The following IGF1 variants were observed in gnomAD, a reference collection of about 807,000 sequenced individuals.
The protein encoded by IGF1 is insulin like growth factor 1.
IGF1 carries 4 observed loss-of-function variants against 13.8 expected under a neutral mutation model. The observed-to-expected ratio is 0.29, with a 90% CI of 0.14 to 0.66. The LOEUF is 0.66. Among genes scored for constraint, IGF1 ranks in the 30% least tolerant of loss-of-function variants. IGF1 has a pLI of 0.78. For synonymous variants in IGF1, 76 were observed against 72.6 expected (o/e 1.05, Z -0.23); for missense variants, 124 against 188.5 (o/e 0.66, Z 2.00).
chr12:102,406,403 CTT>C lies in IGF1; in HGVS notation c.403-3839_403-3838del, dbSNP rs372432862. 1.4e-3 allele frequency among the ~76,000 whole-genome samples: 207 copies of C among 152,328 alleles called. 1 individual carries two copies. The highest frequency in any genetic ancestry group is 4.8e-3 in the African/African-American group (198 of 41,572). ...TGTCTCACATTCAGTCAAGCAAAAA[CTT>C]TTCACTTCAGCAGCTTGTCCAATAC... On this transcript the variant is annotated intron_variant, in intron 3 of 3. Transcript: ENST00000337514.
chr12:102,402,241 TA>T lies in IGF1; in HGVS notation c.*265del, dbSNP rs1452983513. The T allele has an allele frequency of 3.1e-5, 8 of 255,062 alleles. No individual in the cohort carries two copies. The highest frequency in any genetic ancestry group is 4.9e-5 in the Admixed American group (1 of 20,302). 15.8% of individuals were successfully genotyped at this position (255,062 alleles called of 1,614,324 possible). Reference sequence around the variant, plus strand: ...GCAGGGACTAAGATATATATATATATATATTTTTTTTTTCTTTTCTATAGAA... The same window carrying T: ...GCAGGGACTAAGATATATATATATATTATTTTTTTTTTCTTTTCTATAGAA... On this transcript the variant is annotated 3_prime_UTR_variant, in exon 4 of 4. Coordinates refer to ENST00000337514, the MANE Select transcript of IGF1 (RefSeq NM_000618.5).
In IGF1 at chr12:102,397,603, T is replaced by C. The variant is rs886717144; in HGVS notation, c.*4904A>G. ...ATATTAAAATAGCAATAAGCAAATA[T>C]GTACTACAGGATTAAACACTAGCAT... On this transcript the variant is annotated 3_prime_UTR_variant, in exon 4 of 4. Coordinates refer to ENST00000337514, the MANE Select transcript of IGF1 (RefSeq NM_000618.5). 10 of 152,178 alleles carry C rather than the reference T, an allele frequency of 6.6e-5. No individual in the cohort carries two copies. Among genetic ancestry groups the C allele is most frequent in the Admixed American group, 2.6e-4 (4 of 15,274 alleles). The allele number at this position is 152,178 out of a possible 1,614,324, so 9.4% of individuals were successfully genotyped here. A position where few individuals can be genotyped will look rare whatever the true frequency, so the allele number is the denominator to read the frequency against.
chr12:102,453,149 C>T (rs920869523), intron 2 of IGF1, among the ~76,000 whole-genome samples: 2 of 152,202 alleles, frequency 1.3e-5, no homozygotes, highest in Non-Finnish European at 1.5e-5. Context: ...CCTTTAGAAG[C>T]ACTGCTGCCA....
At chr12:102,452,838 T>A (rs1879081631) in intron 2 of IGF1, among the ~76,000 whole-genome samples, 1 of 152,216 alleles carries the variant, frequency 6.6e-6, no homozygotes, top group Non-Finnish European at 1.5e-5. Flanking sequence ...TTGAGACATC[T>A]GAGCAGCAAA....
At chr12:102,478,522 T>A in intron 1 of IGF1, 1 of 1,611,420 alleles carries the variant, frequency 6.2e-7, no homozygotes, top group Non-Finnish European at 8.5e-7. Context: ...TCCAGGTCTT[T>A]TACAGCAGGT....
At chr12:102,441,961 T>TCTTCTTCTTCTTCTTCTTC (rs1592786145) in intron 2 of IGF1, among the ~76,000 whole-genome samples, 4 of 13,994 alleles carry the variant, frequency 2.9e-4, no homozygotes, top group Admixed American at 8.9e-4. Flanking sequence ...TCTTCTTTTT[T>TCTTCTTCTTCTTCTTCTTC]TTTTTTGAGA....
intron 2 of IGF1, among the ~76,000 whole-genome samples, chr12:102,429,990 A>G (rs545951565): frequency 2.0e-5 from 3 of 152,322 alleles, no homozygotes; most frequent in Non-Finnish European, 4.4e-5. Flanking sequence ...CTAATGTGAC[A>G]CACAGCTGGG....
intron 2 of IGF1, among the ~76,000 whole-genome samples, chr12:102,447,042 A>C (rs1020129168): frequency 2.6e-5 from 4 of 152,106 alleles, no homozygotes; most frequent in African/African-American, 2.4e-5. Flanking sequence ...GTTTTGAGTG[A>C]GTTTCTTGAT....
intron 2 of IGF1, among the ~76,000 whole-genome samples, chr12:102,426,043 A>G (rs1022346280): frequency 6.6e-6 from 1 of 152,254 alleles, no homozygotes; most frequent in African/African-American, 2.4e-5. Flanking sequence ...GGCCTGCTAT[A>G]TAAGTTAGCT....
intron 2 of IGF1, among the ~76,000 whole-genome samples, chr12:102,441,957 T>TCCTCTTCCTCTTCCTC (rs71438463): frequency 4.5e-5 from 6 of 134,672 alleles, no homozygotes; most frequent in Non-Finnish European, 8.0e-5. Context: ...TTCTTCTTCT[T>TCCTCTTCCTCTTCCTC]TTTTTTTTTT....
rs1592729900 is a variant in IGF1 at position 102,402,455 on chromosome 12, A to C, written c.*52T>G. ...AAAGTTTAACAGGTAACTCGTGCAG[A>C]GCAAAGGATCCTGCGGTGGCATGTC... On this transcript the variant is annotated 3_prime_UTR_variant, in exon 4 of 4. Transcript: ENST00000337514. 2 of 780,556 alleles carry C rather than the reference A, an allele frequency of 2.6e-6. No individual in the cohort carries two copies. Among genetic ancestry groups the C allele is most frequent in the East Asian group, 2.4e-5 (1 of 41,250 alleles). 48.4% of individuals were successfully genotyped at this position (780,556 alleles called of 1,614,324 possible).
At chr12:102,441,556 G>T (rs1411880687) in intron 2 of IGF1, among the ~76,000 whole-genome samples, 3 of 152,182 alleles carry the variant, frequency 2.0e-5, no homozygotes, top group Non-Finnish European at 4.4e-5. Flanking sequence ...GCTATAGAGT[G>T]AAATAACTTG....
chr12:102,433,523 T>C (rs1876930832), intron 2 of IGF1, among the ~76,000 whole-genome samples: 1 of 152,204 alleles, frequency 6.6e-6, no homozygotes, highest in Non-Finnish European at 1.5e-5. Context: ...CTTCTAAATA[T>C]GGAAAATGAT....
rs1161198139 is a variant in IGF1 at position 102,399,854 on chromosome 12, C to T, written c.*2653G>A. 6.6e-6 allele frequency: 1 copy of T among 152,184 alleles called. No individual in the cohort carries two copies. Among genetic ancestry groups the T allele is most frequent in the Admixed American group, 6.6e-5 (1 of 15,266 alleles). The allele number at this position is 152,184 out of a possible 1,614,324, so 9.4% of individuals were successfully genotyped here. A position where few individuals can be genotyped will look rare whatever the true frequency, so the allele number is the denominator to read the frequency against. ...AGAGGGAATAATTTTAAAAGGTACA[C>T]ACTGGGGACAAGAAATAAAAAGAAG... On this transcript the variant is annotated 3_prime_UTR_variant, in exon 4 of 4. Coordinates refer to ENST00000337514, the MANE Select transcript of IGF1 (RefSeq NM_000618.5).
At chr12:102,469,660 C>A (rs375378356) in intron 2 of IGF1, among the ~76,000 whole-genome samples, 30 of 152,126 alleles carry the variant, frequency 2.0e-4, no homozygotes, top group African/African-American at 6.0e-4. Context: ...GGGATTCTTG[C>A]TCCTTATCTC....
intron 2 of IGF1, among the ~76,000 whole-genome samples, chr12:102,469,151 A>G (rs932599998): frequency 2.0e-5 from 3 of 152,212 alleles, no homozygotes; most frequent in Non-Finnish European, 4.4e-5. Flanking sequence ...CTTGCATCCC[A>G]ACCACTGGCT....
In IGF1 at chr12:102,436,538, G is replaced by A. The variant is rs73180981; in HGVS notation, c.221-16848C>T. On this transcript the variant is annotated intron_variant, in intron 2 of 3. Coordinates refer to ENST00000337514, the MANE Select transcript of IGF1 (RefSeq NM_000618.5). ...GTAATGGAGAGAAGCCAAAAAGGCA[G>A]TGTGGGTTTGGGGCACCTTCAGTAC... Among the ~76,000 whole-genome samples the A allele has an allele frequency of 2.7e-3, 406 of 152,254 alleles. 1 individual carries two copies. Among genetic ancestry groups the A allele is most frequent in the Non-Finnish European group, 4.4e-3 (299 of 68,016 alleles).
rs1873574714 is a variant in IGF1 at position 102,400,242 on chromosome 12, T to A, written c.*2265A>T. 1 of 151,810 alleles carries A rather than the reference T, an allele frequency of 6.6e-6. No homozygotes were observed. Among genetic ancestry groups the A allele is most frequent in the African/African-American group, 2.4e-5 (1 of 41,350 alleles). The allele number at this position is 151,810 out of a possible 1,614,324, so 9.4% of individuals were successfully genotyped here. A position where few individuals can be genotyped will look rare whatever the true frequency, so the allele number is the denominator to read the frequency against. ...CTTTCCAAGAATGTAAAATATAGAA[T>A]TTGCATGAAATAATCAAGCCTGGGT... is the stretch of plus-strand genomic sequence containing the variant. On this transcript the variant is annotated 3_prime_UTR_variant, in exon 4 of 4. Transcript: ENST00000337514.
chr12:102,429,329 C>T lies in IGF1; in HGVS notation c.221-9639G>A, dbSNP rs540439004. Among the ~76,000 whole-genome samples, 49 of 152,170 alleles carry T rather than the reference C, an allele frequency of 3.2e-4. 1 individual carries two copies. The South Asian group carries it at 0.01, about 32-fold the overall frequency. The stretch of plus-strand genomic sequence containing the variant: ...ATGACCATGAAACTGTAAATGCCTT[C>T]CTTAAATTATTGTATTTTAGAATGC... On this transcript the variant is annotated intron_variant, in intron 2 of 3. Coordinates refer to ENST00000337514, the MANE Select transcript of IGF1 (RefSeq NM_000618.5).
Sources: gnomAD v4.1 joint callset for allele counts (sites outside exome capture counted in the v4.1 genomes callset) on GRCh38, gnomAD v4.1.1 for gene constraint, MANE v1.5 for transcripts, NCBI Gene and HGNC (gene_info 2026-07-23, HGNC 2026-07-21) for gene names.